The following PCDH11X variants were observed in gnomAD, a reference collection of about 807,000 sequenced individuals.
PCDH11X encodes the protein protocadherin 11 X-linked.
A neutral mutation model predicts 53.3 loss-of-function variants in PCDH11X; 18 were observed. The observed-to-expected ratio is 0.34, with a 90% CI of 0.23 to 0.50. PCDH11X has a LOEUF of 0.50. Ranked by LOEUF, PCDH11X falls within the 20% of genes least tolerant of loss-of-function variation. The pLI, the probability that PCDH11X is intolerant of heterozygous loss-of-function variation, is 0.98. For synonymous variants in PCDH11X, 279 were observed against 393.3 expected (o/e 0.71, Z 3.44); for missense variants, 570 against 1,032.4 (o/e 0.55, Z 6.14).
At chrX:91,817,551 G>A (rs1398784523) in intron 4 of PCDH11X, among the ~76,000 whole-genome samples, 2 of 111,262 alleles carry the variant, frequency 1.8e-5, no homozygotes, top group South Asian at 3.7e-4. Flanking sequence ...ACTTTCTGTC[G>A]TAATAGAAAT....
intron 1 of PCDH11X, among the ~76,000 whole-genome samples, chrX:91,808,423 A>G (rs770371385): frequency 9.2e-6 from 1 of 108,813 alleles, no homozygotes; most frequent in East Asian, 2.9e-4. Flanking sequence ...TGAACCCGGG[A>G]GACGGAGGTT....
At chrX:92,280,089 T>A (rs953191535) in intron 8 of PCDH11X, among the ~76,000 whole-genome samples, 2 of 112,450 alleles carry the variant, frequency 1.8e-5, no homozygotes, top group Non-Finnish European at 3.7e-5. Flanking sequence ...GTTTGTAGAC[T>A]AAAAGCAATA....
At chrX:92,604,124 C>A (rs1926535009) in intron 10 of PCDH11X, among the ~76,000 whole-genome samples, 1 of 108,038 alleles carries the variant, frequency 9.3e-6, no homozygotes, top group Non-Finnish European at 1.9e-5. Context: ...GAAATGATAC[C>A]AGATTATAAC....
At chrX:91,973,835 G>A (rs779619367) in intron 6 of PCDH11X, among the ~76,000 whole-genome samples, 78 of 110,141 alleles carry the variant, frequency 7.1e-4, no homozygotes, top group African/African-American at 2.5e-3. Context: ...GGCTGGTCTC[G>A]AACTCCTGAC....
At chrX:92,004,629 A>G (rs1431393153) in intron 6 of PCDH11X, among the ~76,000 whole-genome samples, 1 of 110,441 alleles carries the variant, frequency 9.1e-6, no homozygotes, top group Non-Finnish European at 1.9e-5. Flanking sequence ...ATCATTATAT[A>G]GTGAACTTCT....
At chrX:92,379,591 C>T (rs1036690898) in intron 8 of PCDH11X, among the ~76,000 whole-genome samples, 13 of 111,370 alleles carry the variant, frequency 1.2e-4, no homozygotes, top group African/African-American at 3.9e-4. Context: ...AAGGGCATGT[C>T]CCTGGTGAAG....
intron 6 of PCDH11X, among the ~76,000 whole-genome samples, chrX:91,970,703 T>C (rs7062509): frequency 0.12 from 13,829 of 111,255 alleles, 979 homozygotes; most frequent in African/African-American, 0.26. Context: ...AGGCACTGAA[T>C]AAAGTTAGTT....
intron 7 of PCDH11X, among the ~76,000 whole-genome samples, chrX:92,256,804 A>G (rs1162250448): frequency 9.0e-6 from 1 of 110,583 alleles, no homozygotes. Flanking sequence ...AAGTGAGAAC[A>G]TGTGGTATTT....
At chrX:91,842,377 C>CT (rs760809324) in intron 5 of PCDH11X, among the ~76,000 whole-genome samples, 80 of 107,946 alleles carry the variant, frequency 7.4e-4, no homozygotes, top group Admixed American at 3.7e-3. Flanking sequence ...TTGAAATGTC[C>CT]TTTTTTCATT....
At chrX:92,089,296 A>C (rs2064008453) in intron 6 of PCDH11X, among the ~76,000 whole-genome samples, 1 of 111,728 alleles carries the variant, frequency 9.0e-6, no homozygotes, top group African/African-American at 3.2e-5. Context: ...ATCTAAATAT[A>C]ACAATTTGAT....
intron 6 of PCDH11X, among the ~76,000 whole-genome samples, chrX:92,036,666 G>C (rs1228377577): frequency 9.1e-6 from 1 of 109,968 alleles, no homozygotes; most frequent in Non-Finnish European, 1.9e-5. Context: ...GACTAATACA[G>C]TAAATTGGAA....
At chrX:91,791,308 A>G (rs748760133) in intron 1 of PCDH11X, among the ~76,000 whole-genome samples, 1 of 110,686 alleles carries the variant, frequency 9.0e-6, no homozygotes, top group Non-Finnish European at 1.9e-5. Flanking sequence ...ACTGACTCAC[A>G]GTTCTACAGG....
intron 4 of PCDH11X, among the ~76,000 whole-genome samples, chrX:91,828,796 T>C (rs1937010542): frequency 9.0e-6 from 1 of 111,531 alleles, no homozygotes; most frequent in African/African-American, 3.3e-5. Context: ...ACGGGGTGAA[T>C]GAATGCAACT....
intron 9 of PCDH11X, among the ~76,000 whole-genome samples, chrX:92,428,017 TTTTA>T (rs2072164525): frequency 2.0e-5 from 2 of 98,309 alleles, no homozygotes; most frequent in African/African-American, 7.4e-5. Context: ...ATATGGAAAA[TTTTA>T]TTTATGAGCT....
chrX:92,381,640 A>T (rs1490369426), intron 8 of PCDH11X, among the ~76,000 whole-genome samples: 3 of 111,978 alleles, frequency 2.7e-5, no homozygotes, highest in Non-Finnish European at 5.6e-5. Flanking sequence ...CTTTCGTTGT[A>T]TGCTACAAAA....
At chrX:92,301,734 C>CTTTTTTTT (rs1569459116) in intron 8 of PCDH11X, among the ~76,000 whole-genome samples, 33 of 109,640 alleles carry the variant, frequency 3.0e-4, no homozygotes, top group African/African-American at 1.0e-3. Context: ...GCTTCCTTTT[C>CTTTTTTTT]TTGTGTTGTC....
intron 6 of PCDH11X, among the ~76,000 whole-genome samples, chrX:92,171,666 G>C (rs1181359698): frequency 1.8e-5 from 2 of 110,165 alleles, no homozygotes; most frequent in Admixed American, 2.0e-4. Flanking sequence ...CACCATGTTG[G>C]CCAAGCTGGT....
chrX:92,460,181 C>A, intron 9 of PCDH11X: 1 of 921,592 alleles, frequency 1.1e-6, no homozygotes, highest in Non-Finnish European at 1.6e-6. Flanking sequence ...ACACAGCTGG[C>A]GATGCGCCAG....
At chrX:92,231,067 C>T (rs2067067474) in intron 7 of PCDH11X, among the ~76,000 whole-genome samples, 1 of 111,545 alleles carries the variant, frequency 9.0e-6, no homozygotes, top group Non-Finnish European at 1.9e-5. Flanking sequence ...AGAGCAAAGA[C>T]AGCAGCTTGA....
Sources: gnomAD v4.1 joint callset for allele counts (sites outside exome capture counted in the v4.1 genomes callset) on GRCh38, gnomAD v4.1.1 for gene constraint, MANE v1.5 for transcripts, NCBI Gene and HGNC (gene_info 2026-07-23, HGNC 2026-07-21) for gene names.